ZNF541: variants seen among roughly 807,000 people sequenced by gnomAD.
The protein encoded by ZNF541 is zinc finger protein 541.
In ZNF541, 23 loss-of-function variants were observed where a neutral mutation model predicts 123.5. That is an observed-to-expected ratio of 0.19 (90% CI 0.13 to 0.26). The LOEUF is 0.26. ZNF541 is among the 10% of genes least tolerant of loss of function. ZNF541 has a pLI of 1.00. For synonymous variants in ZNF541, 751 were observed against 754.5 expected (o/e 1.00, Z 0.08); for missense variants, 1,612 against 1,789.9 (o/e 0.90, Z 1.79).
In ZNF541 at chr19:47,540,204, G is replaced by C. The variant is rs1223708260; in HGVS notation, c.2594C>G (p.Pro865Arg). 1 of 1,551,344 alleles carries C rather than the reference G, an allele frequency of 6.4e-7. No homozygotes were observed. The highest frequency in any genetic ancestry group is 8.7e-7 in the Non-Finnish European group (1 of 1,146,940). ...CGGTTCCTGCTTCCCTCGAGGTGAC[G>C]GCCACTGGTCGCTGTGAAAACACAT... is the stretch of plus-strand genomic sequence containing the variant. ...SHMCFHSDQW[P>R]SPRGKQEPQV... is the part of the protein sequence containing the mutation. Residue 865 changes from proline to arginine, a missense_variant, in exon 7 of 17, where the codon CCG becomes CGG. Pro to Arg is a moderately radical substitution (Grantham distance 103). Coordinates refer to ENST00000391901, the MANE Select transcript of ZNF541 (RefSeq NM_001277075.3).
rs1969987479 is a variant in ZNF541, at chr19:47,539,626, T to C, written c.2796+79A>G. On this transcript the variant is annotated intron_variant, in intron 8 of 16. Transcript: ENST00000391901. ...CTGGAGTCAAAGATTTTCTGTGGTA[T>C]CTGGTTTGGGTTTTTCCTACGGCTT... 37 of 1,345,844 alleles carry C rather than the reference T, an allele frequency of 2.7e-5. No individual in the cohort carries two copies. In the East Asian group the frequency reaches 1.1e-3, roughly 42 times the overall value. 83.4% of individuals were successfully genotyped at this position (1,345,844 alleles called of 1,614,324 possible). A position where few individuals can be genotyped will look rare whatever the true frequency, so the allele number is the denominator to read the frequency against.
chr19:47,535,172 C>G (rs1218007620), intron 9 of ZNF541, among the ~76,000 whole-genome samples: 1 of 152,166 alleles, frequency 6.6e-6, no homozygotes, highest in Non-Finnish European at 1.5e-5. Flanking sequence ...CCAGGCTGGT[C>G]TTGAGCTCCT....
chr19:47,560,700 A>G lies in ZNF541; in HGVS notation c.-98-4746T>C, dbSNP rs1971026296. Among the ~76,000 whole-genome samples the G allele has an allele frequency of 2.6e-5, 4 of 152,146 alleles. No individual in the cohort carries two copies. In the South Asian group the frequency reaches 8.3e-4, roughly 32 times the overall value. The stretch of plus-strand genomic sequence containing the variant: ...TAAAATCTTATCATGCAATCCAGCA[A>G]CTACACTCTTAGGCATCCATCCAAC... On this transcript the variant is annotated intron_variant, in intron 2 of 16. Transcript: ENST00000391901.
chr19:47,534,752 T>C (rs537135920), intron 9 of ZNF541, among the ~76,000 whole-genome samples: 18 of 152,068 alleles, frequency 1.2e-4, no homozygotes, highest in Non-Finnish European at 1.5e-4. Flanking sequence ...TACAGATCAA[T>C]AGAATTGAAC....
At position 47,549,473 on chromosome 19, in the gene ZNF541, C is replaced by G; in HGVS notation, c.320G>C (p.Gly107Ala). 6.4e-7 allele frequency: 1 copy of G among 1,551,832 alleles called. No homozygotes were observed. The highest frequency in any genetic ancestry group is 8.7e-7 in the Non-Finnish European group (1 of 1,147,034). The change falls in exon 4 of 17, where the codon GGT (glycine) becomes GCT (alanine). Residue 107 changes from glycine (G) to alanine (A), a missense_variant. This residue lies in a region of ZNF541 where 212 missense variants were observed against 289.6 expected (regional missense o/e 0.73). Transcript: ENST00000391901. ...SQASLQDLGL[G>A]VLKAKEADEG... The stretch of plus-strand genomic sequence containing the variant: ...GTCAGCCTCTTTAGCCTTAAGCACA[C>G]CTAGCCCCAGGTCTAAACAGAGGGA...
intron 14 of ZNF541, among the ~76,000 whole-genome samples, chr19:47,526,280 G>C (rs897232856): frequency 6.6e-6 from 1 of 151,942 alleles, no homozygotes; most frequent in Admixed American, 6.6e-5. Context: ...TTGGGAGTTC[G>C]AGACCAGCCT....
At chr19:47,556,125 T>C (rs1428083790) in intron 2 of ZNF541, among the ~76,000 whole-genome samples, 171 bp from the exon 3 acceptor site, 1 of 152,238 alleles carries the variant, frequency 6.6e-6, no homozygotes, top group Admixed American at 6.5e-5. Flanking sequence ...GTGCCTCATC[T>C]GTAAACTGGG....
At chr19:47,555,978 A>G in intron 2 of ZNF541, 24 bp from the exon 3 acceptor site, 1 of 1,082,336 alleles carries the variant, frequency 9.2e-7, no homozygotes, top group Non-Finnish European at 1.3e-6. Flanking sequence ...AAGAAGAATG[A>G]AAGTTATTAG....
chr19:47,569,281 T>A (rs2123433980), intron 2 of ZNF541, among the ~76,000 whole-genome samples: 1 of 152,174 alleles, frequency 6.6e-6, no homozygotes, highest in East Asian at 1.9e-4. Flanking sequence ...ACAGTGAACA[T>A]TTATTGAGGC....
intron 3 of ZNF541, among the ~76,000 whole-genome samples, chr19:47,554,425 C>T (rs368914662): frequency 7.2e-5 from 11 of 151,914 alleles, no homozygotes; most frequent in African/African-American, 2.2e-4. Context: ...AGCGAGACTC[C>T]GTCTCAAAAA....
chr19:47,569,485 C>T (rs1178363500), intron 2 of ZNF541, among the ~76,000 whole-genome samples: 1 of 152,060 alleles, frequency 6.6e-6, no homozygotes, highest in African/African-American at 2.4e-5. Context: ...CTTACGCTTG[C>T]CCGCTCCACT....
At chr19:47,541,407 CCT>C (rs2123090154) in intron 5 of ZNF541, among the ~76,000 whole-genome samples, 1 of 151,364 alleles carries the variant, frequency 6.6e-6, no homozygotes, top group East Asian at 1.9e-4. Context: ...ACAGTGAGAC[CCT>C]GTCTCAAAAA....
Position 47,545,439 on chromosome 19 carries a change from CGGG to C in ZNF541, c.1087_1089del (p.Pro363del). On this transcript the variant is annotated inframe_deletion, in exon 5 of 17. Coordinates refer to ENST00000391901, the MANE Select transcript of ZNF541 (RefSeq NM_001277075.3). The surrounding 1 kb of genome is among the most constrained non-coding windows in gnomAD (Gnocchi z 7.5). ...GTATCTGGCTCCGGCTCTGGCGGGT[CGGG>C]GGCGCCGTTCTCGGCGGCCCTGGAA... is the stretch of plus-strand genomic sequence containing the variant. 6.8e-7 allele frequency: 1 copy of C among 1,476,224 alleles called. No individual in the cohort carries two copies. Among genetic ancestry groups the C allele is most frequent in the African/African-American group, 1.4e-5 (1 of 70,536 alleles). 91.4% of individuals were successfully genotyped at this position (1,476,224 alleles called of 1,614,324 possible). A position where few individuals can be genotyped will look rare whatever the true frequency, so the allele number is the denominator to read the frequency against.
intron 2 of ZNF541, among the ~76,000 whole-genome samples, chr19:47,566,888 A>G (rs1971285882): frequency 6.6e-6 from 1 of 150,954 alleles, no homozygotes; most frequent in South Asian, 2.1e-4. Flanking sequence ...CGTCTTTACT[A>G]AAAATACAAA....
chr19:47,546,982 A>G (rs1329286849), intron 4 of ZNF541, among the ~76,000 whole-genome samples: 5 of 152,170 alleles, frequency 3.3e-5, no homozygotes, highest in African/African-American at 1.2e-4. Context: ...TGGCCTCCCA[A>G]AGTGCTGAGA....
In ZNF541 at chr19:47,544,675, G is replaced by A. The variant is rs745870907; in HGVS notation, c.1854C>T (p.Pro618=). The A allele has an allele frequency of 2.0e-6, 3 of 1,531,284 alleles. No homozygotes were observed. Among genetic ancestry groups the A allele is most frequent in the African/African-American group, 1.4e-5 (1 of 72,842 alleles). The allele number at this position is 1,531,284 out of a possible 1,614,324, so 94.9% of individuals were successfully genotyped here. Residue 618 remains proline (P), a synonymous_variant, in exon 5 of 17, where the codon CCC becomes CCT. Transcript: ENST00000391901. ...TGCGGGCTGGGGAGCCCTCTGCCTCGGGGTTTCCAGGGCCGGCGTGGAGAG... is the reference window on the plus strand; with the variant it reads ...TGCGGGCTGGGGAGCCCTCTGCCTCAGGGTTTCCAGGGCCGGCGTGGAGAG... ...VDSLHAGPGN[P]EAEGSPARRR...
At chr19:47,548,455 A>G (rs537939515) in intron 4 of ZNF541, among the ~76,000 whole-genome samples, 13 of 150,168 alleles carry the variant, frequency 8.7e-5, no homozygotes, top group South Asian at 6.3e-4. Flanking sequence ...AAAAAAAAAA[A>G]AAAAAAGAAA....
intron 8 of ZNF541, 23 bp downstream of exon 8, chr19:47,539,682 G>C: frequency 4.3e-6 from 6 of 1,381,436 alleles, no homozygotes; most frequent in Non-Finnish European, 5.6e-6. Flanking sequence ...TGGCAGGAAG[G>C]AGGCAGGCCG....
In ZNF541 at chr19:47,529,699, A is replaced by T. The variant is rs1213152979; in HGVS notation, c.3406-47T>A. On this transcript the variant is annotated intron_variant, in intron 12 of 16. Coordinates refer to ENST00000391901, the MANE Select transcript of ZNF541 (RefSeq NM_001277075.3). Reference sequence around the variant, plus strand: ...GCTGCCCAGGACCAGGTGGGGGAAGAGGACCACAGGCATCCTCCCATTCAT... The same window carrying T: ...GCTGCCCAGGACCAGGTGGGGGAAGTGGACCACAGGCATCCTCCCATTCAT... 26 of 1,500,198 alleles carry T rather than the reference A, an allele frequency of 1.7e-5. No homozygotes were observed. The Admixed American group carries it at 4.1e-4, about 24-fold the overall frequency. 92.9% of individuals were successfully genotyped at this position (1,500,198 alleles called of 1,614,324 possible). A position where few individuals can be genotyped will look rare whatever the true frequency, so the allele number is the denominator to read the frequency against.
Sources: gnomAD v4.1 joint callset for allele counts (sites outside exome capture counted in the v4.1 genomes callset) on GRCh38, gnomAD v4.1.1 for gene constraint, gnomAD v4.1.1 regional missense constraint, Gnocchi (gnomAD v3.1) non-coding constraint, MANE v1.5 for transcripts, NCBI Gene and HGNC (gene_info 2026-07-23, HGNC 2026-07-21) for gene names.